The following POPDC2 variants were observed in gnomAD, a reference collection of about 807,000 sequenced individuals.
POPDC2 encodes the protein popeye domain cAMP effector 2.
POPDC2 carries 24 observed loss-of-function variants against 30.5 expected under a neutral mutation model. That is an observed-to-expected ratio of 0.79 (90% CI 0.57 to 1.11). The LOEUF (loss-of-function observed/expected upper bound fraction) is 1.11, where lower values mean the gene tolerates loss of function less well. Ranked by LOEUF, POPDC2 falls within the 50% of genes least tolerant of loss-of-function variation. The pLI is 0.00. For missense variants in POPDC2, 409 were observed against 447.0 expected (o/e 0.91, Z 0.77); for synonymous variants, 185 against 183.3 (o/e 1.01, Z -0.07).
chr3:119,655,892 G>A (rs936809217), intron 1 of POPDC2, among the ~76,000 whole-genome samples: 2 of 152,064 alleles, frequency 1.3e-5, no homozygotes, highest in African/African-American at 4.8e-5. Context: ...CTCTCTAACC[G>A]TAGGTGACAA....
intron 3 of POPDC2, among the ~76,000 whole-genome samples, chr3:119,642,762 T>C (rs72957073): frequency 0.012 from 1,895 of 152,322 alleles, 47 homozygotes; most frequent in African/African-American, 0.042. Flanking sequence ...TTTGAAGGTA[T>C]CTAGCCCAAT....
intron 1 of POPDC2, among the ~76,000 whole-genome samples, chr3:119,659,023 C>A (rs1249085816): frequency 6.6e-6 from 1 of 151,340 alleles, no homozygotes; most frequent in Non-Finnish European, 1.5e-5. Flanking sequence ...GGTTGTGGGG[C>A]TCAAGAGCCA....
At chr3:119,659,531 G>A (rs1156700496) in intron 1 of POPDC2, among the ~76,000 whole-genome samples, 2 of 152,232 alleles carry the variant, frequency 1.3e-5, no homozygotes, top group South Asian at 2.1e-4. Context: ...TTTGAGTAAG[G>A]AACAGATTAA....
chr3:119,651,374 T>TA (rs2052806942), intron 2 of POPDC2, among the ~76,000 whole-genome samples: 1 of 151,786 alleles, frequency 6.6e-6, no homozygotes, highest in African/African-American at 2.4e-5. Flanking sequence ...TTTTTTTTTT[T>TA]AAACTAGCAG....
In POPDC2 at chr3:119,648,358, A is replaced by G. The variant is rs781406914; in HGVS notation, c.911T>C (p.Leu304Pro). The change falls in exon 3 of 4, where the codon CTC (leucine) becomes CCC (proline). Residue 304 changes from leucine to proline, a missense_variant. Leu to Pro is a moderately conservative substitution (Grantham distance 98). Transcript: ENST00000493094. ...GGTAGAACAAGGGGGTGTTTGCTGGAGAGAGGTGGGTGTGGCCTGAGGAGG... is the reference window on the plus strand; with the variant it reads ...GGTAGAACAAGGGGGTGTTTGCTGGGGAGAGGTGGGTGTGGCCTGAGGAGG... The part of the protein sequence containing the change: ...VSPPQATPTS[L>P]QQTPPCSTPP... The G allele has an allele frequency of 4.4e-5, 71 of 1,613,938 alleles. No individual in the cohort carries two copies. The East Asian group carries it at 1.5e-3, about 34-fold the overall frequency.
In POPDC2 at chr3:119,659,986, A is replaced by C; in HGVS notation, c.438T>G (p.Tyr146Ter). The change falls in exon 1 of 4, where the codon TAT becomes TAG. Residue 146 changes from tyrosine (Y) to a stop codon, truncating the protein, a stop_gained. Coordinates refer to ENST00000493094, the MANE Select transcript of POPDC2 (RefSeq NM_001369919.2). LOFTEE classifies it high-confidence loss of function. The part of the protein sequence containing the change: ...QVLTLATEQT[Y>*]AVEGETPINR... Reference sequence around the variant, plus strand: ...TGATGGGTGTCTCACCCTCCACAGCATAGGTCTGTTCAGTGGCCAGAGTTA... The same window carrying C: ...TGATGGGTGTCTCACCCTCCACAGCCTAGGTCTGTTCAGTGGCCAGAGTTA... 7 of 1,613,204 alleles carry C rather than the reference A, an allele frequency of 4.3e-6. No homozygotes were observed. The highest frequency in any genetic ancestry group is 5.9e-6 in the Non-Finnish European group (7 of 1,179,276).
rs554016999 is a variant in POPDC2 at position 119,658,293 on chromosome 3, GA to G, written c.491+1639del. Among the ~76,000 whole-genome samples, 594 of 147,522 alleles carry G rather than the reference GA, an allele frequency of 4.0e-3. 5 individuals are homozygous for G. Among genetic ancestry groups the G allele is most frequent in the African/African-American group, 0.012 (477 of 40,462 alleles). On this transcript the variant is annotated intron_variant, in intron 1 of 3. Transcript: ENST00000493094. ...TCTTACTCCAAACCTTGAAAGGCAG[GA>G]AAAAAAAAAATCAAAATTGTCTAAT...
In POPDC2 at chr3:119,648,447, A is replaced by G; in HGVS notation, c.822T>C (p.Thr274=). The G allele has an allele frequency of 1.2e-6, 2 of 1,614,184 alleles. No individual in the cohort carries two copies. Among genetic ancestry groups the G allele is most frequent in the Middle Eastern group, 1.6e-4 (1 of 6,062 alleles). Residue 274 remains threonine (T), a synonymous_variant, in exon 3 of 4, where the codon ACT becomes ACC. Transcript: ENST00000493094. ...CGGACTCTGGTCCAGCATCTGCAGC[A>G]GTGGGACCCAGGACATGGTAGAGGC... ...LPSLYHVLGP[T]AADAGPESEK... is the part of the protein sequence containing the mutation.
chr3:119,655,790 C>A (rs540876834), intron 1 of POPDC2, among the ~76,000 whole-genome samples: 1 of 152,326 alleles, frequency 6.6e-6, no homozygotes, highest in Non-Finnish European at 1.5e-5. Context: ...AACTAAAATT[C>A]TATGTTCTTA....
At chr3:119,645,566 CAAAAAAAAA>C (rs201320482) in intron 3 of POPDC2, among the ~76,000 whole-genome samples, 1 of 115,412 alleles carries the variant, frequency 8.7e-6, no homozygotes, top group East Asian at 2.9e-4. Flanking sequence ...CCGTCTCAAA[CAAAAAAAAA>C]AAAAAAAAGA....
intron 3 of POPDC2, among the ~76,000 whole-genome samples, chr3:119,646,227 A>T (rs1171190962): frequency 6.6e-6 from 1 of 152,186 alleles, no homozygotes; most frequent in Non-Finnish European, 1.5e-5. Context: ...GGGAAAAAGA[A>T]AAAAGGAGGT....
intron 1 of POPDC2, among the ~76,000 whole-genome samples, chr3:119,658,097 C>T (rs1577173879): frequency 6.6e-6 from 1 of 152,288 alleles, no homozygotes; most frequent in African/African-American, 2.4e-5. Context: ...TCCCCACTTC[C>T]TGGCACAAAG....
chr3:119,647,963 C>G (rs970310919), intron 3 of POPDC2, among the ~76,000 whole-genome samples, 156 bp downstream of exon 3: 6 of 152,210 alleles, frequency 3.9e-5, no homozygotes, highest in Non-Finnish European at 2.9e-5. Context: ...CTTGCATGCA[C>G]CCGGAGTGAG....
At chr3:119,658,846 T>C (rs942924409) in intron 1 of POPDC2, among the ~76,000 whole-genome samples, 57 of 152,136 alleles carry the variant, frequency 3.7e-4, no homozygotes, top group Admixed American at 7.9e-4. Context: ...TTAGTGGTAG[T>C]TGTAGTACCA....
intron 1 of POPDC2, among the ~76,000 whole-genome samples, chr3:119,659,409 G>C (rs997115690): frequency 1.3e-5 from 2 of 152,192 alleles, no homozygotes; most frequent in Non-Finnish European, 1.5e-5. Flanking sequence ...AAGTGGGGCT[G>C]TTTGCTTGAT....
intron 3 of POPDC2, among the ~76,000 whole-genome samples, chr3:119,644,455 T>C (rs970838605): frequency 6.6e-6 from 1 of 152,122 alleles, no homozygotes; most frequent in Non-Finnish European, 1.5e-5. Context: ...TGATTTGGGG[T>C]CTGGCTGGAA....
intron 2 of POPDC2, among the ~76,000 whole-genome samples, chr3:119,654,105 C>A (rs2052849418): frequency 6.6e-6 from 1 of 151,936 alleles, no homozygotes; most frequent in Admixed American, 6.6e-5. Flanking sequence ...CATAGAGCTG[C>A]AAAACAATGT....
At chr3:119,654,994 G>A (rs116466015) in intron 1 of POPDC2, among the ~76,000 whole-genome samples, 2,627 of 152,280 alleles carry the variant, frequency 0.017, 69 homozygotes, top group African/African-American at 0.056. Flanking sequence ...TCTCCCCAGT[G>A]ATTCTAATGT....
chr3:119,657,979 G>A (rs918629433), intron 1 of POPDC2, among the ~76,000 whole-genome samples: 2 of 152,202 alleles, frequency 1.3e-5, no homozygotes, highest in African/African-American at 4.8e-5. Flanking sequence ...TCTGAGTTTT[G>A]AAAGAGATTG....
Sources: gnomAD v4.1 joint callset for allele counts (sites outside exome capture counted in the v4.1 genomes callset) on GRCh38, gnomAD v4.1.1 for gene constraint, MANE v1.5 for transcripts, NCBI Gene and HGNC (gene_info 2026-07-23, HGNC 2026-07-21) for gene names.